XYLT1: variants seen among roughly 807,000 people sequenced by gnomAD.
XYLT1 encodes beta-D-xylosyltransferase 1.
XYLT1 carries 36 observed loss-of-function variants against 91.3 expected under a neutral mutation model. That is an observed-to-expected ratio of 0.39 (90% CI 0.30 to 0.52). The LOEUF is 0.52. Among genes scored for constraint, XYLT1 ranks in the 20% least tolerant of loss-of-function variants. The pLI is 0.68. For synonymous variants in XYLT1, 588 were observed against 532.0 expected (o/e 1.11, Z -1.45); for missense variants, 1,242 against 1,284.5 (o/e 0.97, Z 0.51).
chr16:17,217,110 C>T (rs2032875241), intron 3 of XYLT1, among the ~76,000 whole-genome samples: 1 of 152,162 alleles, frequency 6.6e-6, no homozygotes, highest in Non-Finnish European at 1.5e-5. Context: ...ACGAGCACCT[C>T]AAATGCACTG....
chr16:17,420,766 G>A (rs1283454973), intron 1 of XYLT1, among the ~76,000 whole-genome samples: 2 of 152,120 alleles, frequency 1.3e-5, no homozygotes, highest in Non-Finnish European at 2.9e-5. Flanking sequence ...TTTTTAAAGG[G>A]AGACTAATGC....
chr16:17,340,209 C>A (rs187485780), intron 2 of XYLT1, among the ~76,000 whole-genome samples: 4 of 152,316 alleles, frequency 2.6e-5, no homozygotes, highest in East Asian at 1.9e-4. Flanking sequence ...ACAGTTGACA[C>A]CTCTGCAGTT....
At chr16:17,316,995 T>C (rs2034644598) in intron 2 of XYLT1, among the ~76,000 whole-genome samples, 1 of 151,418 alleles carries the variant, frequency 6.6e-6, no homozygotes, top group African/African-American at 2.4e-5. Context: ...GCTAATTTTT[T>C]GTATTTTTAG....
intron 6 of XYLT1, among the ~76,000 whole-genome samples, chr16:17,153,878 A>C (rs1027824219): frequency 1.3e-5 from 2 of 152,178 alleles, no homozygotes; most frequent in East Asian, 3.9e-4. Context: ...TTTCATCTGC[A>C]CACCTCGAGA....
At chr16:17,297,156 T>C (rs1312820269) in intron 2 of XYLT1, among the ~76,000 whole-genome samples, 1 of 152,226 alleles carries the variant, frequency 6.6e-6, no homozygotes, top group Non-Finnish European at 1.5e-5. Flanking sequence ...AAGCACTTGC[T>C]TGAGTCAGGG....
intron 5 of XYLT1, among the ~76,000 whole-genome samples, chr16:17,176,529 C>T (rs549715890): frequency 6.3e-4 from 96 of 152,336 alleles, no homozygotes; most frequent in African/African-American, 2.1e-3. Flanking sequence ...CACTTTCAAC[C>T]GCTTTGCTGC....
At chr16:17,294,259 G>A (rs1480147487) in intron 2 of XYLT1, among the ~76,000 whole-genome samples, 1 of 152,054 alleles carries the variant, frequency 6.6e-6, no homozygotes, top group Admixed American at 6.6e-5. Flanking sequence ...CCAACTTCTG[G>A]GTACCGCGGA....
At chr16:17,442,279 T>C (rs1333348422) in intron 1 of XYLT1, among the ~76,000 whole-genome samples, 1 of 152,152 alleles carries the variant, frequency 6.6e-6, no homozygotes, top group East Asian at 1.9e-4. Context: ...ATACATCCCA[T>C]TGGTTGTTTC....
chr16:17,216,154 G>A (rs1035156293), intron 3 of XYLT1, among the ~76,000 whole-genome samples: 1 of 152,148 alleles, frequency 6.6e-6, no homozygotes, highest in Admixed American at 6.5e-5. Context: ...CCTTCCTGTC[G>A]CTTGACATTT....
At chr16:17,428,060 G>A (rs2036341129) in intron 1 of XYLT1, among the ~76,000 whole-genome samples, 1 of 151,848 alleles carries the variant, frequency 6.6e-6, no homozygotes, top group African/African-American at 2.4e-5. Flanking sequence ...GTGTGATTTC[G>A]GCTCACTGCA....
chr16:17,452,111 G>A (rs930495231), intron 1 of XYLT1, among the ~76,000 whole-genome samples: 8 of 152,062 alleles, frequency 5.3e-5, no homozygotes, highest in East Asian at 1.9e-4. Context: ...AGCAAGCATT[G>A]AGAATTAAGG....
At chr16:17,280,758 AGGGCACCGTGCTGTAAATATCTCCTTT>A (rs1368009237) in intron 2 of XYLT1, among the ~76,000 whole-genome samples, 3 of 152,218 alleles carry the variant, frequency 2.0e-5, no homozygotes, top group Admixed American at 1.3e-4. Context: ...GTTTGACAAA[AGGGCACCGTGCTGTAAATATCTCCTTT>A]GCGTTTGCTT....
intron 9 of XYLT1, among the ~76,000 whole-genome samples, chr16:17,131,063 A>T (rs934259642): frequency 3.3e-5 from 5 of 152,190 alleles, no homozygotes; most frequent in Admixed American, 3.3e-4. Flanking sequence ...GAGGGCTTTG[A>T]GTTCACAGGC....
chr16:17,366,924 C>T (rs2035462622), intron 1 of XYLT1, among the ~76,000 whole-genome samples: 1 of 152,032 alleles, frequency 6.6e-6, no homozygotes, highest in African/African-American at 2.4e-5. Context: ...ATCATTAAAC[C>T]ACAGTTCCTG....
At chr16:17,461,836 C>T (rs1367325557) in intron 1 of XYLT1, among the ~76,000 whole-genome samples, 1 of 152,136 alleles carries the variant, frequency 6.6e-6, no homozygotes, top group Non-Finnish European at 1.5e-5. Flanking sequence ...AATTTTCATC[C>T]AACTTATTGC....
At chr16:17,352,936 G>A (rs1362284958) in intron 2 of XYLT1, among the ~76,000 whole-genome samples, 1 of 152,172 alleles carries the variant, frequency 6.6e-6, no homozygotes, top group African/African-American at 2.4e-5. Context: ...GGAAATAGAT[G>A]AATCCCTTTA....
intron 5 of XYLT1, among the ~76,000 whole-genome samples, chr16:17,189,236 A>G (rs560618324): frequency 1.5e-4 from 23 of 152,340 alleles, no homozygotes; most frequent in African/African-American, 5.3e-4. Context: ...CTACTCCTCC[A>G]CATTTCCATC....
intron 1 of XYLT1, among the ~76,000 whole-genome samples, chr16:17,427,265 C>T (rs1301927264): frequency 6.6e-6 from 1 of 152,240 alleles, no homozygotes. Context: ...TTTGCCACCA[C>T]GAACAACATC....
At chr16:17,351,684 A>G (rs2035221764) in intron 2 of XYLT1, among the ~76,000 whole-genome samples, 1 of 151,004 alleles carries the variant, frequency 6.6e-6, no homozygotes, top group Non-Finnish European at 1.5e-5. Context: ...AACTGTCCTC[A>G]GAACAAACGA....
Sources: gnomAD v4.1 joint callset for allele counts (sites outside exome capture counted in the v4.1 genomes callset) on GRCh38, gnomAD v4.1.1 for gene constraint, MANE v1.5 for transcripts, NCBI Gene and HGNC (gene_info 2026-07-23, HGNC 2026-07-21) for gene names.